The following PIWIL3 variants were observed in gnomAD, a reference collection of about 807,000 sequenced individuals.
The protein encoded by PIWIL3 is piwi-like protein 3.
PIWIL3 carries 101 observed loss-of-function variants against 109.7 expected under a neutral mutation model. The observed-to-expected ratio is 0.92, with a 90% CI of 0.78 to 1.09. PIWIL3 has a LOEUF of 1.09. Ranked by LOEUF, PIWIL3 falls within the 50% of genes least tolerant of loss-of-function variation. PIWIL3 has a pLI of 0.00. For missense variants in PIWIL3, 1,031 were observed against 1,072.6 expected, an observed-to-expected ratio of 0.96 and a Z score of 0.54; for synonymous variants, 373 against 376.4, an observed-to-expected ratio of 0.99 and a Z score of 0.10.
At chr22:24,749,854 G>A (rs1180486285) in intron 9 of PIWIL3, 35 bp from the exon 10 acceptor site, 3 of 1,613,860 alleles carry the variant, frequency 1.9e-6, no homozygotes, top group East Asian at 4.5e-5. Context: ...ATGACCATCA[G>A]TGAAACCTTA....
chr22:24,753,993 G>T (rs746294290), intron 8 of PIWIL3, 21 bp downstream of exon 8: 1 of 1,565,792 alleles, frequency 6.4e-7, no homozygotes, highest in Non-Finnish European at 8.8e-7. Context: ...GATTGGATAG[G>T]TTTTTAAAAG....
chr22:24,729,358 G>A (rs1285356793), intron 14 of PIWIL3, among the ~76,000 whole-genome samples: 3 of 152,014 alleles, frequency 2.0e-5, no homozygotes, highest in South Asian at 2.1e-4. Flanking sequence ...ACGACGAGAC[G>A]GTTTCATTGA....
chr22:24,767,503 A>G (rs1453235903), intron 1 of PIWIL3, among the ~76,000 whole-genome samples: 3 of 151,778 alleles, frequency 2.0e-5, no homozygotes, highest in Admixed American at 2.0e-4. Flanking sequence ...GTGAGCTGAG[A>G]TCGAGCCATT....
At chr22:24,750,516 T>C (rs2147697035) in intron 9 of PIWIL3, among the ~76,000 whole-genome samples, 1 of 136,670 alleles carries the variant, frequency 7.3e-6, no homozygotes, top group South Asian at 2.4e-4. Context: ...GAGATGGAGT[T>C]TCACTCCTGT....
intron 12 of PIWIL3, among the ~76,000 whole-genome samples, chr22:24,745,709 C>A (rs1325382060): frequency 3.3e-5 from 3 of 90,042 alleles, no homozygotes; most frequent in East Asian, 3.3e-4. Context: ...AATCTTTAGT[C>A]AGACTAAGAA....
At chr22:24,753,922 C>T (rs1569107514) in intron 8 of PIWIL3, 92 bp downstream of exon 8, 2 of 1,114,318 alleles carry the variant, frequency 1.8e-6, no homozygotes, top group Non-Finnish European at 2.6e-6. Flanking sequence ...TCAACTTCAA[C>T]ATTTAGTGAT....
At chr22:24,766,513 G>A (rs576443980) in intron 1 of PIWIL3, among the ~76,000 whole-genome samples, 1 of 151,878 alleles carries the variant, frequency 6.6e-6, no homozygotes, top group South Asian at 2.1e-4. Context: ...TAGTAGAGAC[G>A]GGGTTTCGCC....
chr22:24,771,236 G>A (rs556046551), intron 1 of PIWIL3, among the ~76,000 whole-genome samples: 11 of 152,156 alleles, frequency 7.2e-5, no homozygotes, highest in African/African-American at 2.6e-4. Context: ...GCTGAGGCGA[G>A]CGAATCATGA....
chr22:24,747,911 T>C (rs1326016526), intron 12 of PIWIL3, among the ~76,000 whole-genome samples: 1 of 152,146 alleles, frequency 6.6e-6, no homozygotes, highest in Non-Finnish European at 1.5e-5. Flanking sequence ...TAACATATGT[T>C]GCAGCAATCC....
intron 16 of PIWIL3, among the ~76,000 whole-genome samples, chr22:24,725,844 T>G (rs1922962005): frequency 2.0e-5 from 3 of 146,538 alleles, no homozygotes; most frequent in Admixed American, 2.0e-4. Context: ...GTTCCTGCTT[T>G]GGGACCAATG....
chr22:24,754,977 C>T, intron 6 of PIWIL3, 113 bp from the exon 7 acceptor site: 1 of 795,724 alleles, frequency 1.3e-6, no homozygotes, highest in Non-Finnish European at 2.1e-6. Flanking sequence ...TATCAATGAA[C>T]ACAAAGTACT....
intron 12 of PIWIL3, among the ~76,000 whole-genome samples, chr22:24,744,383 C>T (rs559225221): frequency 6.6e-6 from 1 of 151,748 alleles, no homozygotes; most frequent in Admixed American, 6.6e-5. Context: ...CCAGCCTGAC[C>T]AACATGGTGA....
intron 16 of PIWIL3, 72 bp from the exon 17 acceptor site, chr22:24,725,587 G>A (rs2147649557): frequency 1.4e-6 from 2 of 1,458,170 alleles, no homozygotes; most frequent in South Asian, 1.2e-5. Context: ...ATTAATCTAT[G>A]GGCAAAAAAT....
In PIWIL3 at chr22:24,749,008, G is replaced by A. The variant is rs201028643; in HGVS notation, c.1348C>T (p.Arg450Ter). The A allele has an allele frequency of 9.3e-6, 15 of 1,610,504 alleles. No homozygotes were observed. Among genetic ancestry groups the A allele is most frequent in the African/African-American group, 6.7e-5 (5 of 74,754 alleles). Residue 450 changes from arginine to a stop codon, truncating the protein, a stop_gained, in exon 12 of 21, where the codon CGA (arginine) becomes TGA (stop). Transcript: ENST00000616349. LOFTEE classifies it high-confidence loss of function. ...INTLQDNKKV[R>*]ELLQLWDLKF... is the part of the protein sequence containing the mutation. ...AAATCCCAGAGTTGAAGTAACTCTCGTACTTTTTTATTACTGAAAATTAAA... is the reference window on the plus strand; with the variant it reads ...AAATCCCAGAGTTGAAGTAACTCTCATACTTTTTTATTACTGAAAATTAAA...
chr22:24,773,022 G>C (rs959207676), intron 1 of PIWIL3, among the ~76,000 whole-genome samples: 1 of 152,136 alleles, frequency 6.6e-6, no homozygotes, highest in Non-Finnish European at 1.5e-5. Context: ...TGCTCCACGT[G>C]TCTGTGTCCA....
chr22:24,754,269 G>C (rs1436662092), intron 7 of PIWIL3, 52 bp from the exon 8 acceptor site: 2 of 1,492,304 alleles, frequency 1.3e-6, no homozygotes, highest in Non-Finnish European at 1.8e-6. Context: ...ATAAAGCCAA[G>C]GGTTTCCAAG....
intron 14 of PIWIL3, among the ~76,000 whole-genome samples, chr22:24,729,411 G>A (rs1420112280): frequency 6.6e-6 from 1 of 152,110 alleles, no homozygotes; most frequent in Non-Finnish European, 1.5e-5. Context: ...GGCACTTGCC[G>A]AGTGGTTCAC....
intron 12 of PIWIL3, among the ~76,000 whole-genome samples, chr22:24,747,840 C>T (rs9624581): frequency 0.054 from 8,167 of 152,140 alleles, 352 homozygotes; most frequent in African/African-American, 0.12. Context: ...GTGGGAATGT[C>T]AATTACTATA....
intron 14 of PIWIL3, among the ~76,000 whole-genome samples, chr22:24,730,878 C>G (rs1185613667): frequency 6.6e-6 from 1 of 151,972 alleles, no homozygotes; most frequent in Non-Finnish European, 1.5e-5. Context: ...ATTCTTGTAG[C>G]CTTAATACTA....
Sources: allele counts gnomAD v4.1 joint callset (sites outside exome capture counted in the v4.1 genomes callset), GRCh38; gene constraint gnomAD v4.1.1; transcripts MANE v1.5; gene names NCBI Gene and HGNC (gene_info 2026-07-23, HGNC 2026-07-21).